NFATC1: variants seen among roughly 807,000 people sequenced by gnomAD.
The protein encoded by NFATC1 is nuclear factor of activated T-cells, cytoplasmic 1.
A neutral mutation model predicts 76.0 loss-of-function variants in NFATC1; 22 were observed. That is an observed-to-expected ratio of 0.29 (90% confidence interval 0.21 to 0.41). The LOEUF (loss-of-function observed/expected upper bound fraction) is 0.41. NFATC1 is among the 10% of genes least tolerant of loss of function. The probability of loss-of-function intolerance (pLI) is 1.00; values close to 1 mark genes in which losing one functional copy is unlikely to be tolerated. For missense variants in NFATC1, 1,357 were observed against 1,337.7 expected (o/e 1.01, Z -0.23); for synonymous variants, 704 against 613.1 (o/e 1.15, Z -2.19).
chr18:79,501,702 A>C (rs1186608519), intron 9 of NFATC1, among the ~76,000 whole-genome samples: 1 of 150,670 alleles, frequency 6.6e-6, no homozygotes, highest in Non-Finnish European at 1.5e-5. Context: ...CCAGGGTACA[A>C]ATAAATTATG....
chr18:79,495,674 G>A (rs1038506185), intron 9 of NFATC1, among the ~76,000 whole-genome samples: 15 of 152,290 alleles, frequency 9.8e-5, no homozygotes, highest in African/African-American at 3.6e-4. Flanking sequence ...AAGCCCTGAT[G>A]TTCAGCCGCG....
chr18:79,423,194 A>G (rs1237878562), intron 2 of NFATC1, among the ~76,000 whole-genome samples: 1 of 152,152 alleles, frequency 6.6e-6, no homozygotes, highest in African/African-American at 2.4e-5. Context: ...TGGTGGAGCC[A>G]CGGGACGCCA....
intron 6 of NFATC1, among the ~76,000 whole-genome samples, chr18:79,460,782 G>C (rs956750501): frequency 1.3e-5 from 2 of 152,062 alleles, no homozygotes; most frequent in African/African-American, 4.8e-5. Flanking sequence ...GGAGCCCCCG[G>C]CCCCCCGTCA....
At chr18:79,473,925 C>T (rs910875746) in intron 8 of NFATC1, among the ~76,000 whole-genome samples, 5 of 142,630 alleles carry the variant, frequency 3.5e-5, no homozygotes, top group African/African-American at 7.9e-5. Flanking sequence ...CGTGTTCTCA[C>T]GCTCACTGTC....
intron 8 of NFATC1, among the ~76,000 whole-genome samples, chr18:79,474,829 T>G (rs1317917595): frequency 7.0e-6 from 1 of 143,592 alleles, no homozygotes; most frequent in African/African-American, 2.6e-5. Flanking sequence ...GGGAAGCGTG[T>G]TCTCACGCTC....
Position 79,467,590 on chromosome 18 carries a change from C to T in NFATC1, c.2092+8C>T, listed in dbSNP as rs1350955231. ...CCTACCTTCCCGCCAACGGTAACGC[C>T]ATCTTTCTAACCGTAAGCCGTGAAC... On this transcript the variant is annotated splice_region_variant and intron_variant, in intron 8 of 9. Coordinates refer to ENST00000427363, the MANE Select transcript of NFATC1 (RefSeq NM_001278669.2). 2 of 1,613,826 alleles carry T rather than the reference C, an allele frequency of 1.2e-6. No individual in the cohort carries two copies. The highest frequency in any genetic ancestry group is 1.1e-5 in the South Asian group (1 of 91,068).
rs115837086 is a variant in NFATC1, at chr18:79,438,900, G to A, written c.1386+5162G>A. 9.1e-3 allele frequency among the ~76,000 whole-genome samples: 1,384 copies of A among 152,332 alleles called. 22 individuals carry two copies. The highest frequency in any genetic ancestry group is 0.03 in the African/African-American group (1,266 of 41,578). ...AGGTCAACTTTGCCTCCACAGATCCGTAACAGACGTTTTTTCTGTCATGTA... is the reference window on the plus strand; with the variant it reads ...AGGTCAACTTTGCCTCCACAGATCCATAACAGACGTTTTTTCTGTCATGTA... On this transcript the variant is annotated intron_variant, in intron 3 of 9. Coordinates refer to ENST00000427363, the MANE Select transcript of NFATC1 (RefSeq NM_001278669.2).
At chr18:79,432,403 G>A (rs2086629770) in intron 2 of NFATC1, among the ~76,000 whole-genome samples, 1 of 152,154 alleles carries the variant, frequency 6.6e-6, no homozygotes, top group African/African-American at 2.4e-5. Context: ...CTGGGTCTCT[G>A]GCCACATAGC....
intron 3 of NFATC1, among the ~76,000 whole-genome samples, chr18:79,435,642 C>T (rs1466794728): frequency 1.3e-5 from 2 of 152,218 alleles, no homozygotes; most frequent in African/African-American, 4.8e-5. Context: ...GTTCTGCCAT[C>T]TGGGTGTCTT....
At chr18:79,405,567 C>T (rs778168196) in intron 1 of NFATC1, among the ~76,000 whole-genome samples, 20 of 152,250 alleles carry the variant, frequency 1.3e-4, no homozygotes, top group Non-Finnish European at 1.9e-4. Flanking sequence ...CAGTGGCCCC[C>T]GGCGTGTGGG....
intron 9 of NFATC1, among the ~76,000 whole-genome samples, chr18:79,518,272 C>T (rs2090432366): frequency 6.6e-6 from 1 of 152,268 alleles, no homozygotes; most frequent in Non-Finnish European, 1.5e-5. Flanking sequence ...CCGCTGCGTC[C>T]AATGACAGGC....
intron 2 of NFATC1, among the ~76,000 whole-genome samples, chr18:79,429,478 T>C (rs1436858509): frequency 6.6e-6 from 1 of 152,184 alleles, no homozygotes; most frequent in Non-Finnish European, 1.5e-5. Context: ...AGCTTAGGGC[T>C]TCAGCAAGCG....
chr18:79,463,974 T>C (rs550535717), intron 7 of NFATC1, among the ~76,000 whole-genome samples: 72 of 152,394 alleles, frequency 4.7e-4, no homozygotes, highest in Admixed American at 2.5e-3. Flanking sequence ...TCTGTGATTT[T>C]CTGTTTTACT....
chr18:79,495,376 A>C (rs1160715279), intron 9 of NFATC1, among the ~76,000 whole-genome samples: 1 of 152,240 alleles, frequency 6.6e-6, no homozygotes, highest in Non-Finnish European at 1.5e-5. Flanking sequence ...TTTCTAGTTG[A>C]AATATCAGTC....
At chr18:79,429,120 C>T (rs889535760) in intron 2 of NFATC1, among the ~76,000 whole-genome samples, 1 of 150,882 alleles carries the variant, frequency 6.6e-6, no homozygotes, top group Non-Finnish European at 1.5e-5. Flanking sequence ...ACTCTGGAGG[C>T]TGAGGCAGGA....
At chr18:79,522,151 CTGTG>C (rs567274812) in intron 9 of NFATC1, among the ~76,000 whole-genome samples, 58 of 27,032 alleles carry the variant, frequency 2.1e-3, no homozygotes, top group African/African-American at 0.012. Flanking sequence ...ATGTTTGTGT[CTGTG>C]TGTGTGTGGG....
chr18:79,463,879 TC>T (rs143335711), intron 7 of NFATC1, among the ~76,000 whole-genome samples: 1,859 of 152,214 alleles, frequency 0.012, 37 homozygotes, highest in African/African-American at 0.037. Context: ...GCCTGCCCTG[TC>T]CCCCTAGGCA....
intron 2 of NFATC1, chr18:79,421,068 G>A (rs1303784411): frequency 6.6e-6 from 1 of 152,342 alleles, no homozygotes; most frequent in African/African-American, 2.4e-5. Flanking sequence ...AGGGCCAGAG[G>A]TTCTAGTTTA....
intron 2 of NFATC1, among the ~76,000 whole-genome samples, chr18:79,427,338 C>T (rs1364463597): frequency 1.3e-5 from 2 of 150,550 alleles, no homozygotes; most frequent in African/African-American, 2.4e-5. Context: ...CTTCCCTGGA[C>T]AGCTGGCCTT....
Sources: allele counts gnomAD v4.1 joint callset (sites outside exome capture counted in the v4.1 genomes callset), GRCh38; gene constraint gnomAD v4.1.1; transcripts MANE v1.5; gene names NCBI Gene and HGNC (gene_info 2026-07-23, HGNC 2026-07-21).